IKBKB-DT: variants seen among roughly 807,000 people sequenced by gnomAD.
IKBKB-DT encodes IKBKB antisense RNA.
At chr8:42,235,996 C>G (rs998423265) in intron 3 of IKBKB-DT, among the ~76,000 whole-genome samples, 1 of 152,018 alleles carries the variant, frequency 6.6e-6, no homozygotes, top group Non-Finnish European at 1.5e-5. Flanking sequence ...CAACTGCCCT[C>G]CAGCCTGGTG....
At chr8:42,270,232 G>C (rs757783498) in intron 1 of IKBKB-DT, 3 of 152,292 alleles carry the variant, frequency 2.0e-5, no homozygotes, top group Non-Finnish European at 4.4e-5. Flanking sequence ...GTGGCTCACA[G>C]CCTGTAATCT....
chr8:42,254,562 C>CACCTCT (rs1563277081), intron 3 of IKBKB-DT, among the ~76,000 whole-genome samples: 1 of 150,086 alleles, frequency 6.7e-6, no homozygotes, highest in African/African-American at 2.5e-5. Context: ...AAGTGAGGAG[C>CACCTCT]GCCTCTGCCC....
chr8:42,252,789 A>G (rs962206498), intron 3 of IKBKB-DT, among the ~76,000 whole-genome samples: 4 of 152,252 alleles, frequency 2.6e-5, no homozygotes, highest in African/African-American at 9.6e-5. Context: ...TCATACCTTA[A>G]AAAGTACAAA....
intron 3 of IKBKB-DT, among the ~76,000 whole-genome samples, chr8:42,235,205 C>A (rs865820994): frequency 7.0e-5 from 7 of 99,414 alleles, no homozygotes; most frequent in East Asian, 2.8e-4. Context: ...CTTTTATTTT[C>A]TTTTTTTTTT....
intron 3 of IKBKB-DT, among the ~76,000 whole-genome samples, chr8:42,247,111 T>C (rs979070989): frequency 6.6e-6 from 1 of 151,994 alleles, no homozygotes; most frequent in Admixed American, 6.6e-5. Context: ...CGTGTGCCTG[T>C]AAAAGCCACA....
At chr8:42,255,698 A>T (rs1017199646) in intron 3 of IKBKB-DT, among the ~76,000 whole-genome samples, 1 of 152,156 alleles carries the variant, frequency 6.6e-6, no homozygotes, top group Non-Finnish European at 1.5e-5. Flanking sequence ...TGTCCCTGTT[A>T]TAAGGAGACT....
At chr8:42,237,661 C>G (rs936088414) in intron 3 of IKBKB-DT, among the ~76,000 whole-genome samples, 2 of 152,024 alleles carry the variant, frequency 1.3e-5, no homozygotes, top group Non-Finnish European at 2.9e-5. Flanking sequence ...GTGGGGGACT[C>G]TCTCCCTCCC....
rs566510867 is a variant in IKBKB-DT, at chr8:42,251,223, A to T, written n.1529+12106T>A. On this transcript the variant is annotated intron_variant and non_coding_transcript_variant, in intron 3 of 3. Coordinates refer to ENST00000518213, the Ensembl canonical transcript of IKBKB-DT. The stretch of plus-strand genomic sequence containing the variant: ...CTGCAGAAAGGGTGCTCACTCACAG[A>T]TGGAACAATGGCGAGAGCACACTTG... Among the ~76,000 whole-genome samples, 8 of 152,388 alleles carry T rather than the reference A, an allele frequency of 5.2e-5. No individual in the cohort carries two copies. The East Asian group carries it at 1.2e-3, about 22-fold the overall frequency.
At chr8:42,241,908 G>C (rs928350152) in intron 3 of IKBKB-DT, among the ~76,000 whole-genome samples, 1 of 152,102 alleles carries the variant, frequency 6.6e-6, no homozygotes, top group African/African-American at 2.4e-5. Flanking sequence ...TATGAAAAAG[G>C]GTACCCATTT....
At chr8:42,246,112 C>T (rs562443258) in intron 3 of IKBKB-DT, among the ~76,000 whole-genome samples, 207 of 152,332 alleles carry the variant, frequency 1.4e-3, no homozygotes, top group African/African-American at 4.7e-3. Flanking sequence ...TCACAGCTCA[C>T]TGCAGCGTCA....
rs112990086 is a variant in IKBKB-DT, at chr8:42,240,567, G to A, written n.1530-6708C>T. Among the ~76,000 whole-genome samples, 954 of 137,838 alleles carry A rather than the reference G, an allele frequency of 6.9e-3. 15 individuals are homozygous for A. The highest frequency in any genetic ancestry group is 0.025 in the African/African-American group (907 of 35,946). The allele number at this position is 137,838 out of a possible 152,430, so 90.4% of individuals were successfully genotyped here. Reference sequence around the variant, plus strand: ...GTGAACCCGGGAGGTAGAGTTTGCAGTGAGCCAAGATCATTCCACTGCACT... The same window carrying A: ...GTGAACCCGGGAGGTAGAGTTTGCAATGAGCCAAGATCATTCCACTGCACT... On this transcript the variant is annotated intron_variant and non_coding_transcript_variant, in intron 3 of 3. Coordinates refer to ENST00000518213, the Ensembl canonical transcript of IKBKB-DT.
intron 3 of IKBKB-DT, among the ~76,000 whole-genome samples, chr8:42,261,777 A>T (rs1038300070): frequency 6.6e-6 from 1 of 152,054 alleles, no homozygotes; most frequent in Non-Finnish European, 1.5e-5. Context: ...GACCGTTTTG[A>T]TGATTGTAGG....
intron 3 of IKBKB-DT, among the ~76,000 whole-genome samples, chr8:42,255,961 G>A (rs1807194396): frequency 6.6e-6 from 1 of 151,670 alleles, no homozygotes; most frequent in South Asian, 2.1e-4. Flanking sequence ...GGGAGGTGGA[G>A]GTTGCAGTGA....
intron 3 of IKBKB-DT, among the ~76,000 whole-genome samples, chr8:42,240,743 G>A (rs1195000842): frequency 1.3e-5 from 2 of 151,620 alleles, no homozygotes; most frequent in East Asian, 1.9e-4. Context: ...TTGAGAGGCC[G>A]AGGTGGGTGG....
chr8:42,248,881 A>C (rs1807095271), intron 3 of IKBKB-DT, among the ~76,000 whole-genome samples: 1 of 152,044 alleles, frequency 6.6e-6, no homozygotes, highest in South Asian at 2.1e-4. Context: ...AAAAAAAAAA[A>C]AAAAACAAAT....
chr8:42,248,093 G>A (rs1179837068), intron 3 of IKBKB-DT, among the ~76,000 whole-genome samples: 2 of 147,696 alleles, frequency 1.4e-5, no homozygotes, highest in African/African-American at 5.0e-5. Context: ...ACTCCGTCTC[G>A]GAAAAAAAAA....
intron 1 of IKBKB-DT, among the ~76,000 whole-genome samples, chr8:42,267,825 G>T (rs1380590097): frequency 6.6e-6 from 1 of 152,024 alleles, no homozygotes; most frequent in East Asian, 1.9e-4. Context: ...TAAATATCTT[G>T]GAATATGATA....
intron 3 of IKBKB-DT, among the ~76,000 whole-genome samples, chr8:42,259,110 C>T (rs1225388598): frequency 1.3e-5 from 2 of 152,118 alleles, no homozygotes; most frequent in African/African-American, 4.8e-5. Flanking sequence ...ACCGCAACCT[C>T]TGCCTCTCGG....
chr8:42,267,357 C>T (rs897688170), intron 1 of IKBKB-DT, among the ~76,000 whole-genome samples: 15 of 152,130 alleles, frequency 9.9e-5, no homozygotes, highest in African/African-American at 2.2e-4. Flanking sequence ...CTTTCTTGCG[C>T]GAGATCCAAG....
Sources: allele counts gnomAD v4.1 joint callset (sites outside exome capture counted in the v4.1 genomes callset), GRCh38; gene constraint gnomAD v4.1.1; transcripts MANE v1.5; gene names NCBI Gene and HGNC (gene_info 2026-07-23, HGNC 2026-07-21).